The following SLX4IP variants were observed in gnomAD, a reference collection of about 807,000 sequenced individuals.
The protein encoded by SLX4IP is SLX4 interacting protein.
Under a neutral mutation model 32.9 loss-of-function variants are expected in SLX4IP, and 34 were observed. The observed-to-expected ratio is 1.03, with a 90% CI of 0.79 to 1.38. SLX4IP has a LOEUF of 1.38. SLX4IP is among the 40% of genes most tolerant of loss of function. The probability of loss-of-function intolerance (pLI) is 0.00; values close to 1 mark genes in which losing one functional copy is unlikely to be tolerated. For missense variants in SLX4IP, 444 were observed against 479.0 expected (o/e 0.93, Z 0.68); for synonymous variants, 172 against 171.7 (o/e 1.00, Z -0.01).
intron 6 of SLX4IP, among the ~76,000 whole-genome samples, chr20:10,604,820 A>G (rs780303951): frequency 2.0e-5 from 3 of 152,210 alleles, no homozygotes; most frequent in Non-Finnish European, 4.4e-5. Flanking sequence ...GAAATGAGTC[A>G]TTGTATTTTT....
rs2066385960 is a variant in SLX4IP, at chr20:10,565,788, T to C, written c.238+4968T>C. On this transcript the variant is annotated intron_variant, in intron 4 of 7. Coordinates refer to ENST00000334534, the MANE Select transcript of SLX4IP (RefSeq NM_001009608.3). ...AAGCTATTGCCTAACAGCCTGACTT[T>C]CCCAACTACAAAGGAAATGTGCTCA... Among the ~76,000 whole-genome samples, 3 of 152,288 alleles carry C rather than the reference T, an allele frequency of 2.0e-5. No homozygotes were observed. The South Asian group carries it at 6.2e-4, about 32-fold the overall frequency.
intron 2 of SLX4IP, among the ~76,000 whole-genome samples, chr20:10,529,266 TAAAAC>T (rs2065965418): frequency 6.6e-6 from 1 of 152,066 alleles, no homozygotes. Context: ...TGGCTAATGA[TAAAAC>T]AAGATAAAAT....
chr20:10,619,958 G>A (rs1053517268), intron 6 of SLX4IP, among the ~76,000 whole-genome samples: 3 of 152,176 alleles, frequency 2.0e-5, no homozygotes, highest in Non-Finnish European at 4.4e-5. Flanking sequence ...ATGACTTTGA[G>A]TGACACTGGC....
At chr20:10,540,893 A>G (rs1419454374) in intron 2 of SLX4IP, among the ~76,000 whole-genome samples, 1 of 152,180 alleles carries the variant, frequency 6.6e-6, no homozygotes, top group Non-Finnish European at 1.5e-5. Context: ...TTAGGCATGA[A>G]TTGGTTGAAG....
chr20:10,467,848 G>A (rs982331679), intron 2 of SLX4IP, among the ~76,000 whole-genome samples: 2 of 152,126 alleles, frequency 1.3e-5, no homozygotes, highest in Non-Finnish European at 2.9e-5. Context: ...TCTTGGACTT[G>A]AAATTAATTT....
intron 6 of SLX4IP, among the ~76,000 whole-genome samples, chr20:10,607,819 C>G (rs1178643401): frequency 1.3e-5 from 2 of 151,826 alleles, no homozygotes; most frequent in African/African-American, 4.8e-5. Flanking sequence ...TTGTCTTTTG[C>G]TTGTATATTA....
intron 4 of SLX4IP, among the ~76,000 whole-genome samples, chr20:10,581,636 C>T (rs1249159791): frequency 6.6e-6 from 1 of 152,082 alleles, no homozygotes; most frequent in Non-Finnish European, 1.5e-5. Flanking sequence ...AAGGGAGAGG[C>T]CAGGTGCAGT....
rs548980388 is a variant in SLX4IP at position 10,507,029 on chromosome 20, G to A, written c.27+48798G>A. On this transcript the variant is annotated intron_variant, in intron 2 of 7. Transcript: ENST00000334534. ...CCTCACATTTTGTGTGTGGTGGGGC[G>A]GTGAGAACACTTAAATTCTACTCTC... Among the ~76,000 whole-genome samples the A allele has an allele frequency of 1.3e-4, 20 of 152,266 alleles. No homozygotes were observed. In the South Asian group the frequency reaches 3.9e-3, roughly 30 times the overall value.
At chr20:10,443,227 A>G (rs2122318390) in intron 1 of SLX4IP, among the ~76,000 whole-genome samples, 1 of 152,284 alleles carries the variant, frequency 6.6e-6, no homozygotes, top group South Asian at 2.1e-4. Flanking sequence ...CTAAAAAAAA[A>G]CAAAAACAAA....
chr20:10,454,763 T>C (rs1455748137), intron 1 of SLX4IP, among the ~76,000 whole-genome samples: 1 of 152,198 alleles, frequency 6.6e-6, no homozygotes, highest in Non-Finnish European at 1.5e-5. Context: ...CTTGGATATA[T>C]CCTTAGGAAT....
intron 2 of SLX4IP, among the ~76,000 whole-genome samples, chr20:10,497,105 A>C (rs745596769): frequency 2.6e-5 from 4 of 152,158 alleles, no homozygotes; most frequent in Non-Finnish European, 4.4e-5. Flanking sequence ...CAGGTATCCC[A>C]TGCATTTTCT....
chr20:10,472,652 G>C (rs1279026536), intron 2 of SLX4IP, among the ~76,000 whole-genome samples: 4 of 152,200 alleles, frequency 2.6e-5, no homozygotes, highest in Admixed American at 2.6e-4. Context: ...CCAGCACCTT[G>C]GGAAGTGACT....
Position 10,452,731 on chromosome 20 carries a change from A to G in SLX4IP, c.-29-5445A>G, listed in dbSNP as rs2065253575. 2.7e-5 allele frequency among the ~76,000 whole-genome samples: 4 copies of G among 149,662 alleles called. No homozygotes were observed. In the Admixed American group the frequency reaches 2.7e-4, roughly 10 times the overall value. On this transcript the variant is annotated intron_variant, in intron 1 of 7. Coordinates refer to ENST00000334534, the MANE Select transcript of SLX4IP (RefSeq NM_001009608.3). Reference sequence around the variant, plus strand: ...CTGGGCTTGGTGGCATGAACCTATAATCTGAGCTACTTAGGAGGCTGAGGC... The same window carrying G: ...CTGGGCTTGGTGGCATGAACCTATAGTCTGAGCTACTTAGGAGGCTGAGGC...
In SLX4IP at chr20:10,493,859, C is replaced by CTTTTT. The variant is rs58299545; in HGVS notation, c.27+35646_27+35650dup. Reference sequence around the variant, plus strand: ...ACTGAAGTGTTTTTTTTATAGTTGCCTTTTTTTTTTTTTTTTTTTTTTGAG... The same window carrying CTTTTT: ...ACTGAAGTGTTTTTTTTATAGTTGCCTTTTTTTTTTTTTTTTTTTTTTTTTTTGAG... On this transcript the variant is annotated intron_variant, in intron 2 of 7. Transcript: ENST00000334534. Among the ~76,000 whole-genome samples the CTTTTT allele has an allele frequency of 2.4e-3, 168 of 70,534 alleles. 8 individuals carry two copies. Among genetic ancestry groups the CTTTTT allele is most frequent in the Non-Finnish European group, 3.2e-3 (125 of 38,630 alleles). 46.3% of individuals were successfully genotyped at this position (70,534 alleles called of 152,430 possible). A position where few individuals can be genotyped will look rare whatever the true frequency, so the allele number is the denominator to read the frequency against.
At chr20:10,467,250 T>G (rs1046593233) in intron 2 of SLX4IP, among the ~76,000 whole-genome samples, 1 of 152,232 alleles carries the variant, frequency 6.6e-6, no homozygotes, top group African/African-American at 2.4e-5. Flanking sequence ...TTGAAAAGAT[T>G]TATGCAATTA....
chr20:10,552,563 G>A (rs1279989262), intron 2 of SLX4IP, among the ~76,000 whole-genome samples: 2 of 152,112 alleles, frequency 1.3e-5, no homozygotes, highest in Admixed American at 1.3e-4. Context: ...CTGCGGGGGA[G>A]GGGACTGCCT....
intron 2 of SLX4IP, among the ~76,000 whole-genome samples, chr20:10,459,269 G>A (rs1166122194): frequency 6.6e-6 from 1 of 151,846 alleles, no homozygotes; most frequent in Non-Finnish European, 1.5e-5. Context: ...TTAGACCTTT[G>A]TCAAATGGAT....
intron 1 of SLX4IP, among the ~76,000 whole-genome samples, chr20:10,453,725 C>G (rs1007517276): frequency 7.2e-6 from 1 of 138,570 alleles, no homozygotes; most frequent in Admixed American, 7.7e-5. Flanking sequence ...CCTACTACCC[C>G]CCAACGCACT....
chr20:10,532,778 A>AT (rs71334411), intron 2 of SLX4IP, among the ~76,000 whole-genome samples: 350 of 146,694 alleles, frequency 2.4e-3, no homozygotes, highest in Non-Finnish European at 2.7e-3. Context: ...GCCACAAGCA[A>AT]TTTTTTTTTT....
Sources: allele counts gnomAD v4.1 joint callset (sites outside exome capture counted in the v4.1 genomes callset), GRCh38; gene constraint gnomAD v4.1.1; transcripts MANE v1.5; gene names NCBI Gene and HGNC (gene_info 2026-07-23, HGNC 2026-07-21).